Variants in ACOXL observed in about 807,000 individuals in gnomAD.
The protein encoded by ACOXL is acyl-coenzyme A oxidase-like protein.
A neutral mutation model predicts 71.9 loss-of-function variants in ACOXL; 70 were observed. That is an observed-to-expected ratio of 0.97 (90% CI 0.80 to 1.19). The LOEUF is 1.19. Among genes scored for constraint, ACOXL ranks in the 50% most tolerant of loss-of-function variants. The pLI, the probability that ACOXL is intolerant of heterozygous loss-of-function variation, is 0.00. For synonymous variants in ACOXL, 253 were observed against 281.6 expected (o/e 0.90, Z 1.02); for missense variants, 703 against 736.3 (o/e 0.95, Z 0.52).
chr2:110,754,041 T>A, intron 1 of ACOXL, among the ~76,000 whole-genome samples: 1 of 151,402 alleles, frequency 6.6e-6, no homozygotes, highest in African/African-American at 2.4e-5. Context: ...CGTGTGTGTG[T>A]GTGTGTGTGT....
chr2:111,039,432 T>C (rs1458585382), intron 15 of ACOXL, among the ~76,000 whole-genome samples: 9 of 151,372 alleles, frequency 5.9e-5, no homozygotes, highest in Non-Finnish European at 1.5e-5. Context: ...GCAGCGTTTA[T>C]CCTCTGAGAT....
chr2:111,063,510 AAG>A (rs1254083769), intron 16 of ACOXL, among the ~76,000 whole-genome samples: 1 of 152,206 alleles, frequency 6.6e-6, no homozygotes, highest in Non-Finnish European at 1.5e-5. Context: ...TAACAGGAAA[AAG>A]AGAAAAAAAA....
intron 16 of ACOXL, among the ~76,000 whole-genome samples, chr2:111,081,519 A>G (rs1235044998): frequency 1.3e-5 from 2 of 152,194 alleles, no homozygotes; most frequent in Non-Finnish European, 2.9e-5. Context: ...ACGAAATAAG[A>G]GAGGACACAA....
At chr2:110,971,561 A>G (rs2062188446) in intron 12 of ACOXL, among the ~76,000 whole-genome samples, 1 of 152,244 alleles carries the variant, frequency 6.6e-6, no homozygotes, top group African/African-American at 2.4e-5. Context: ...AGAGCAAAAT[A>G]TTGATATCTC....
intron 12 of ACOXL, among the ~76,000 whole-genome samples, chr2:110,972,491 C>T (rs1017740251): frequency 3.9e-5 from 6 of 152,262 alleles, no homozygotes; most frequent in African/African-American, 1.4e-4. Flanking sequence ...CCAGGGTCAC[C>T]CCCAGGATTG....
intron 10 of ACOXL, among the ~76,000 whole-genome samples, chr2:110,848,863 G>T (rs1484164736): frequency 1.3e-5 from 2 of 152,180 alleles, no homozygotes; most frequent in East Asian, 3.9e-4. Flanking sequence ...CACTAAGAAG[G>T]CCCCTTGGGC....
chr2:110,878,564 A>T (rs1254024705), intron 10 of ACOXL, among the ~76,000 whole-genome samples: 1 of 152,176 alleles, frequency 6.6e-6, no homozygotes, highest in East Asian at 1.9e-4. Flanking sequence ...GGAGTTCAAG[A>T]CTAGCCTCGC....
chr2:110,864,316 G>A (rs2149000043), intron 10 of ACOXL, among the ~76,000 whole-genome samples: 1 of 152,280 alleles, frequency 6.6e-6, no homozygotes, highest in East Asian at 1.9e-4. Context: ...CTCAGTAAAG[G>A]TCCTCATGGT....
intron 16 of ACOXL, among the ~76,000 whole-genome samples, chr2:111,054,666 C>T (rs1319100152): frequency 6.6e-6 from 1 of 152,198 alleles, no homozygotes; most frequent in Non-Finnish European, 1.5e-5. Context: ...CCCTCCACGT[C>T]CCCTGCCACC....
intron 12 of ACOXL, among the ~76,000 whole-genome samples, chr2:110,971,315 C>T (rs1050535651): frequency 6.6e-6 from 1 of 152,136 alleles, no homozygotes; most frequent in Non-Finnish European, 1.5e-5. Context: ...ATTAATAACA[C>T]GAAAATTGAA....
intron 17 of ACOXL, among the ~76,000 whole-genome samples, chr2:111,095,323 A>G (rs1025755207): frequency 1.3e-5 from 2 of 151,820 alleles, no homozygotes; most frequent in African/African-American, 4.8e-5. Flanking sequence ...ATATCAGAGG[A>G]ATATTTAGTG....
intron 2 of ACOXL, among the ~76,000 whole-genome samples, chr2:110,775,277 A>G (rs1468794328): frequency 6.6e-6 from 1 of 152,240 alleles, no homozygotes; most frequent in Non-Finnish European, 1.5e-5. Flanking sequence ...TCTTGGATAG[A>G]ACACCAAAAA....
At chr2:110,815,053 G>T (rs908209572) in intron 9 of ACOXL, among the ~76,000 whole-genome samples, 2 of 152,164 alleles carry the variant, frequency 1.3e-5, no homozygotes, top group African/African-American at 4.8e-5. Context: ...GTTCTGCAGG[G>T]CTGGGGAGGC....
At chr2:110,901,098 C>T (rs1407197650) in intron 10 of ACOXL, among the ~76,000 whole-genome samples, 2 of 152,198 alleles carry the variant, frequency 1.3e-5, no homozygotes, top group Non-Finnish European at 2.9e-5. Context: ...TCTTTGCAGT[C>T]TCCAGCAGCA....
intron 1 of ACOXL, among the ~76,000 whole-genome samples, chr2:110,735,119 G>T (rs535405253): frequency 6.6e-4 from 100 of 152,222 alleles, no homozygotes; most frequent in Non-Finnish European, 1.2e-3. Context: ...TGTAGTAATG[G>T]CATGAACAAC....
chr2:111,081,545 T>G (rs1486946796), intron 16 of ACOXL, among the ~76,000 whole-genome samples: 2 of 152,158 alleles, frequency 1.3e-5, no homozygotes, highest in Non-Finnish European at 2.9e-5. Flanking sequence ...TGGAAAAACA[T>G]TCCATGCTCC....
intron 14 of ACOXL, among the ~76,000 whole-genome samples, chr2:111,025,695 C>T (rs1345439832): frequency 2.6e-5 from 4 of 152,146 alleles, no homozygotes; most frequent in Non-Finnish European, 5.9e-5. Flanking sequence ...TTTACAAATT[C>T]TGTACAGAAA....
intron 14 of ACOXL, among the ~76,000 whole-genome samples, chr2:111,025,096 C>G (rs1256458284): frequency 1.3e-5 from 2 of 152,052 alleles, no homozygotes; most frequent in Non-Finnish European, 2.9e-5. Context: ...CTCCTGGAAA[C>G]TACTTATCTT....
chr2:111,112,630 C>CA (rs143880857), intron 17 of ACOXL, among the ~76,000 whole-genome samples: 2,608 of 152,288 alleles, frequency 0.017, 73 homozygotes, highest in African/African-American at 0.059. Context: ...TGGAAGTCTG[C>CA]AAAAAGTGAG....
Sources: allele counts gnomAD v4.1 joint callset (sites outside exome capture counted in the v4.1 genomes callset), GRCh38; gene constraint gnomAD v4.1.1; transcripts MANE v1.5; gene names NCBI Gene and HGNC (gene_info 2026-07-23, HGNC 2026-07-21).